The following SP140 variants were observed in gnomAD, a reference collection of about 807,000 sequenced individuals.
SP140 encodes SP140 nuclear body protein.
SP140 carries 81 observed loss-of-function variants against 125.0 expected under a neutral mutation model. The ratio of observed to expected loss-of-function variants is 0.65; its 90% CI spans 0.54 to 0.78. SP140 has a LOEUF of 0.78. Among genes scored for constraint, SP140 ranks in the 30% least tolerant of loss-of-function variants. SP140 has a pLI of 0.00. For synonymous variants in SP140, 312 were observed against 354.0 expected, an observed-to-expected ratio of 0.88 and a Z score of 1.33; for missense variants, 858 against 1,037.0, an observed-to-expected ratio of 0.83 and a Z score of 2.37.
At chr2:230,191,582 G>C in the SP140 span, among the ~76,000 whole-genome samples, 34 of 152,196 alleles carry the variant, frequency 2.2e-4, no homozygotes, top group Non-Finnish European at 3.2e-4. Flanking sequence ...GACTAAACCA[G>C]GAAGAAGTTG....
chr2:230,288,148 G>T (rs2056629616), intron 18 of SP140, 182 bp downstream of exon 18: 1 of 566,164 alleles, frequency 1.8e-6, no homozygotes. Context: ...AAGTAAGTTG[G>T]TGATGGATCT....
chr2:230,207,293 G>A (rs1166534248), intron 1 of SP140, among the ~76,000 whole-genome samples: 1 of 152,116 alleles, frequency 6.6e-6, no homozygotes, highest in Non-Finnish European at 1.5e-5. Context: ...CATTGCCTTT[G>A]GGTTTGTGTA....
the SP140 span, among the ~76,000 whole-genome samples, chr2:230,188,800 A>T: frequency 2.0e-5 from 3 of 152,306 alleles, no homozygotes; most frequent in South Asian, 6.2e-4. Context: ...GCATGTGTTA[A>T]ACCATCCCTA....
At chr2:230,291,963 G>C (rs1353756165) in intron 19 of SP140, among the ~76,000 whole-genome samples, 1 of 152,124 alleles carries the variant, frequency 6.6e-6, no homozygotes, top group Non-Finnish European at 1.5e-5. Flanking sequence ...TGTCATCCTA[G>C]TGGGTATGAC....
intron 1 of SP140, among the ~76,000 whole-genome samples, chr2:230,228,885 G>A (rs2046840721): frequency 1.3e-5 from 2 of 151,960 alleles, no homozygotes; most frequent in Non-Finnish European, 1.5e-5. Flanking sequence ...TAGACCATTG[G>A]CATTAAAGTG....
Position 230,212,368 on chromosome 2 carries a change from G to C in SP140, c.-322-1286G>C, listed in dbSNP as rs759693595. On this transcript the variant is annotated intron_variant, in intron 1 of 4. Coordinates refer to the SP140 transcript ENST00000456542. ...TTACCTTGCACAGTGCTAGTGAGGA[G>C]GCTGGGCATCTCTTCTGAGTCTTCT... 3.7e-6 allele frequency: 6 copies of C among 1,612,830 alleles called. No individual in the cohort carries two copies. The Admixed American group carries it at 1.0e-4, about 27-fold the overall frequency.
intron 9 of SP140, among the ~76,000 whole-genome samples, chr2:230,249,461 CAGA>C (rs1234660472): frequency 1.3e-5 from 2 of 152,066 alleles, no homozygotes; most frequent in African/African-American, 4.8e-5. Context: ...CCTGCGTGAA[CAGA>C]AGATCTTTTC....
chr2:230,251,097 G>C (rs1276350840), intron 10 of SP140, 36 bp downstream of exon 10: 2 of 1,559,524 alleles, frequency 1.3e-6, no homozygotes, highest in Non-Finnish European at 1.8e-6. Flanking sequence ...CTGGGCTGCA[G>C]AGTGTCAGGA....
chr2:230,222,828 G>A (rs1280384830), upstream of SP140, among the ~76,000 whole-genome samples: 5 of 148,438 alleles, frequency 3.4e-5, no homozygotes, highest in Admixed American at 1.3e-4. Context: ...GATTAGTTTC[G>A]TGTGTATTAA....
chr2:230,237,519 TG>T lies in SP140; in HGVS notation c.237+260del. 1 of 338,296 alleles carries T rather than the reference TG, an allele frequency of 3.0e-6. No homozygotes were observed. The highest frequency in any genetic ancestry group is 5.3e-6 in the Non-Finnish European group (1 of 187,670). 21.0% of individuals were successfully genotyped at this position (338,296 alleles called of 1,614,324 possible). ...ATGGGTGCAGATCATCCTAGGTACT[TG>T]TAAACAATCTACTAATGGTAGCCAT... On this transcript the variant is annotated intron_variant, in intron 2 of 26. Transcript: ENST00000392045. The surrounding 1 kb of genome is among the most constrained non-coding windows in gnomAD (Gnocchi z 5.4).
intron 12 of SP140, among the ~76,000 whole-genome samples, chr2:230,255,982 T>G (rs1270574935): frequency 3.3e-5 from 5 of 152,212 alleles, no homozygotes; most frequent in Admixed American, 1.3e-4. Flanking sequence ...GAAGAAGCAA[T>G]GCTCTTTTGC....
chr2:230,240,512 A>G (rs4973302), intron 3 of SP140, among the ~76,000 whole-genome samples: 16,367 of 152,314 alleles, frequency 0.11, 993 homozygotes, highest in Non-Finnish European at 0.12. Flanking sequence ...AACGATTTGA[A>G]CAGACATTTC....
Position 230,211,065 on chromosome 2 carries a change from A to C in SP140, c.-322-2589A>C, listed in dbSNP as rs1165045210. 6.6e-6 allele frequency among the ~76,000 whole-genome samples: 1 copy of C among 152,218 alleles called. No homozygotes were observed. Among genetic ancestry groups the C allele is most frequent in the Non-Finnish European group, 1.5e-5 (1 of 68,026 alleles). Reference sequence around the variant, plus strand: ...TACTTTATTGAAGTGGCCTCAGAAGAGTGGCTCTGTCAAACAGTCCAGCCT... The same window carrying C: ...TACTTTATTGAAGTGGCCTCAGAAGCGTGGCTCTGTCAAACAGTCCAGCCT... On this transcript the variant is annotated intron_variant, in intron 1 of 4. Coordinates refer to the SP140 transcript ENST00000456542. This position sits in a 1 kb window ranked among gnomAD's most constrained non-coding sequence, Gnocchi z 4.2.
At chr2:230,217,079 C>T (rs1163817509) in intron 3 of SP140, 3 of 622,582 alleles carry the variant, frequency 4.8e-6, no homozygotes, top group Non-Finnish European at 8.4e-6. Flanking sequence ...AACTCTGTCT[C>T]TACTAAAAAT....
chr2:230,201,989 T>C (rs1468890831), upstream of SP140, among the ~76,000 whole-genome samples: 1 of 152,210 alleles, frequency 6.6e-6, no homozygotes, highest in Non-Finnish European at 1.5e-5. Context: ...CTTTCTATCC[T>C]TCAATCAAAG....
intron 3 of SP140, among the ~76,000 whole-genome samples, chr2:230,240,717 A>T (rs1424483828): frequency 6.6e-6 from 1 of 152,252 alleles, no homozygotes; most frequent in African/African-American, 2.4e-5. Context: ...GTAGGAATGT[A>T]AAATGATAAC....
intron 1 of SP140, among the ~76,000 whole-genome samples, chr2:230,209,471 C>T (rs1422743782): frequency 6.6e-6 from 1 of 152,036 alleles, no homozygotes; most frequent in African/African-American, 2.4e-5. Context: ...ATGGTTAAGA[C>T]TCAAAGGAGA....
upstream of SP140, among the ~76,000 whole-genome samples, chr2:230,222,809 A>G (rs963823718): frequency 2.7e-5 from 4 of 149,690 alleles, no homozygotes; most frequent in Non-Finnish European, 5.9e-5. Flanking sequence ...TCTGCTTTCT[A>G]TCACCACAGA....
chr2:230,236,916 T>C (rs2048095143), intron 1 of SP140, among the ~76,000 whole-genome samples, 167 bp from the exon 2 acceptor site: 1 of 152,212 alleles, frequency 6.6e-6, no homozygotes, highest in Non-Finnish European at 1.5e-5. Context: ...TCCACCTTGA[T>C]TTTTCCCAAA....
Sources: gnomAD v4.1 joint callset for allele counts (sites outside exome capture counted in the v4.1 genomes callset) on GRCh38, gnomAD v4.1.1 for gene constraint, Gnocchi (gnomAD v3.1) non-coding constraint, MANE v1.5 for transcripts, NCBI Gene and HGNC (gene_info 2026-07-23, HGNC 2026-07-21) for gene names.